SLCO5A1: variants seen among roughly 807,000 people sequenced by gnomAD.
The protein encoded by SLCO5A1 is solute carrier organic anion transporter family member 5A1.
A neutral mutation model predicts 65.1 loss-of-function variants in SLCO5A1; 39 were observed. The ratio of observed to expected loss-of-function variants is 0.60; its 90% CI spans 0.46 to 0.78. The LOEUF (loss-of-function observed/expected upper bound fraction) is 0.78, where lower values mean the gene tolerates loss of function less well. Among genes scored for constraint, SLCO5A1 ranks in the 30% least tolerant of loss-of-function variants. The pLI, the probability that SLCO5A1 is intolerant of heterozygous loss-of-function variation, is 0.00. For missense variants in SLCO5A1, 1,029 were observed against 1,069.4 expected, an observed-to-expected ratio of 0.96 and a Z score of 0.53; for synonymous variants, 438 against 415.7, an observed-to-expected ratio of 1.05 and a Z score of -0.65.
chr8:69,767,120 G>A (rs1299109147), intron 2 of SLCO5A1, among the ~76,000 whole-genome samples: 1 of 152,126 alleles, frequency 6.6e-6, no homozygotes. Context: ...TGAAGAACTT[G>A]GAAGTTTGGG....
chr8:69,821,567 G>T (rs1028157034), intron 2 of SLCO5A1, among the ~76,000 whole-genome samples: 1 of 152,104 alleles, frequency 6.6e-6, no homozygotes, highest in African/African-American at 2.4e-5. Context: ...CCAGCACTTT[G>T]GGAGGCTGAG....
chr8:69,763,601 CAG>C (rs1477709922), intron 2 of SLCO5A1, among the ~76,000 whole-genome samples: 7 of 35,054 alleles, frequency 2.0e-4, no homozygotes, highest in Admixed American at 5.6e-4. Context: ...GGCTAGGAAA[CAG>C]AGCAAGACTC....
chr8:69,735,703 T>C (rs533672763), intron 5 of SLCO5A1, among the ~76,000 whole-genome samples: 134 of 150,528 alleles, frequency 8.9e-4, no homozygotes, highest in African/African-American at 3.2e-3. Flanking sequence ...TCAGGGAAAA[T>C]AGCTAATGCA....
chr8:69,706,591 T>A (rs1401894776), intron 5 of SLCO5A1, among the ~76,000 whole-genome samples: 4 of 152,172 alleles, frequency 2.6e-5, no homozygotes, highest in Non-Finnish European at 5.9e-5. Context: ...TGAAGTTACA[T>A]GGTGGGAGGT....
chr8:69,699,130 C>T (rs187147391), intron 6 of SLCO5A1, among the ~76,000 whole-genome samples: 9 of 152,288 alleles, frequency 5.9e-5, no homozygotes, highest in South Asian at 2.1e-4. Flanking sequence ...AGTCCATCTA[C>T]GACACAATTT....
intron 5 of SLCO5A1, among the ~76,000 whole-genome samples, chr8:69,726,778 T>C (rs922387166): frequency 2.6e-5 from 4 of 151,958 alleles, no homozygotes; most frequent in Non-Finnish European, 4.4e-5. Flanking sequence ...TGGGATTACA[T>C]GCATGAGCCA....
intron 5 of SLCO5A1, among the ~76,000 whole-genome samples, chr8:69,709,705 T>A (rs1291835924): frequency 6.6e-6 from 1 of 152,214 alleles, no homozygotes; most frequent in East Asian, 1.9e-4. Context: ...CTTTTCTGTA[T>A]AATTGAAAAC....
At chr8:69,750,120 C>T (rs1454959897) in intron 4 of SLCO5A1, among the ~76,000 whole-genome samples, 2 of 152,092 alleles carry the variant, frequency 1.3e-5, no homozygotes, top group Non-Finnish European at 2.9e-5. Flanking sequence ...AAGAGGTAAC[C>T]AGGGGTTAAA....
At chr8:69,731,751 A>C (rs1247076666) in intron 5 of SLCO5A1, among the ~76,000 whole-genome samples, 1 of 152,220 alleles carries the variant, frequency 6.6e-6, no homozygotes, top group East Asian at 1.9e-4. Context: ...AATGATTAAA[A>C]TGATATAAGT....
chr8:69,686,199 C>T (rs1813992663), intron 6 of SLCO5A1, among the ~76,000 whole-genome samples: 1 of 143,140 alleles, frequency 7.0e-6, no homozygotes. Flanking sequence ...TATGCTCATG[C>T]CACGTGGACT....
At chr8:69,688,147 A>T (rs985888083) in intron 6 of SLCO5A1, among the ~76,000 whole-genome samples, 6 of 152,102 alleles carry the variant, frequency 3.9e-5, no homozygotes, top group African/African-American at 1.4e-4. Context: ...ATAGAGCCAA[A>T]AAAAAGACGA....
rs187315191 is a variant in SLCO5A1, at chr8:69,776,939, G to C, written c.908-15064C>G. On this transcript the variant is annotated intron_variant, in intron 2 of 9. Transcript: ENST00000260126. ...GTTCTTGAGGATGTGATGCAAACTA[G>C]AACTGTCATACCCTGCTAGTGGGAA... Among the ~76,000 whole-genome samples the C allele has an allele frequency of 8.5e-5, 13 of 152,284 alleles. No homozygotes were observed. In the East Asian group the frequency reaches 2.3e-3, roughly 27 times the overall value.
Position 69,800,225 on chromosome 8 carries a change from G to C in SLCO5A1, c.907+31542C>G, listed in dbSNP as rs1018375600. Among the ~76,000 whole-genome samples, 3 of 138,286 alleles carry C rather than the reference G, an allele frequency of 2.2e-5. No individual in the cohort carries two copies. In the South Asian group the frequency reaches 7.2e-4, roughly 33 times the overall value. The allele number at this position is 138,286 out of a possible 152,430, so 90.7% of individuals were successfully genotyped here. A position where few individuals can be genotyped will look rare whatever the true frequency, so the allele number is the denominator to read the frequency against. On this transcript the variant is annotated intron_variant, in intron 2 of 9. Coordinates refer to ENST00000260126, the MANE Select transcript of SLCO5A1 (RefSeq NM_030958.3). ...GAAAAGCCTTGGTATTTTACATTTT[G>C]AAAATTCACAGACGCTTGAATTTTT...
intron 2 of SLCO5A1, among the ~76,000 whole-genome samples, chr8:69,815,161 C>T (rs1820352277): frequency 6.6e-6 from 1 of 152,040 alleles, no homozygotes; most frequent in African/African-American, 2.4e-5. Context: ...AAGGTTTTCA[C>T]CATAAAAAGG....
At chr8:69,799,849 T>G (rs1447731186) in intron 2 of SLCO5A1, among the ~76,000 whole-genome samples, 1 of 152,198 alleles carries the variant, frequency 6.6e-6, no homozygotes, top group Non-Finnish European at 1.5e-5. Flanking sequence ...ATGTGGGGAT[T>G]AGGGGAACTA....
chr8:69,691,801 A>T (rs886942420), intron 6 of SLCO5A1, among the ~76,000 whole-genome samples: 1 of 152,302 alleles, frequency 6.6e-6, no homozygotes, highest in East Asian at 1.9e-4. Flanking sequence ...CACAAACCTA[A>T]GTGGTCTAGC....
chr8:69,760,580 GTAAT>G (rs1040624639), intron 3 of SLCO5A1, among the ~76,000 whole-genome samples: 3 of 152,052 alleles, frequency 2.0e-5, no homozygotes, highest in African/African-American at 7.2e-5. Flanking sequence ...AAGTGAGTGA[GTAAT>G]TACTTGGCAC....
intron 2 of SLCO5A1, among the ~76,000 whole-genome samples, chr8:69,819,635 G>A (rs1487724665): frequency 6.6e-6 from 1 of 152,168 alleles, no homozygotes; most frequent in East Asian, 1.9e-4. Flanking sequence ...ATGCTACAGA[G>A]TGCTTAGAAT....
In SLCO5A1 at chr8:69,738,190, C is replaced by T; in HGVS notation, c.1273G>A (p.Ala425Thr). ...GKDVRDLPRA[A>T]VRILSNMTFL... ...GTCATGTTGCTTAAGATCCTGACAG[C>T]TGCTCTTGGTAGGTCTACAAAATGA... is the stretch of plus-strand genomic sequence containing the variant. Residue 425 changes from alanine to threonine, a missense_variant, in exon 5 of 10, where the codon GCT becomes ACT. Physicochemically the swap from Ala to Thr is moderately conservative, Grantham distance 58. This residue lies in a region of SLCO5A1 where 647 missense variants were observed against 647.5 expected (regional missense o/e 1.00). Transcript: ENST00000260126. The T allele has an allele frequency of 6.2e-7, 1 of 1,606,710 alleles. No homozygotes were observed. The highest frequency in any genetic ancestry group is 1.1e-5 in the South Asian group (1 of 89,888).
Sources: allele counts gnomAD v4.1 joint callset (sites outside exome capture counted in the v4.1 genomes callset), GRCh38; gene constraint gnomAD v4.1.1; regional missense constraint gnomAD v4.1.1; transcripts MANE v1.5; gene names NCBI Gene and HGNC (gene_info 2026-07-23, HGNC 2026-07-21).